The following EFCAB11 variants were observed in gnomAD, a reference collection of about 807,000 sequenced individuals.
EFCAB11 encodes the protein EF-hand calcium binding domain 11, also known as EF-hand calcium-binding domain-containing protein 11.
In EFCAB11, 14 loss-of-function variants were observed where a neutral mutation model predicts 23.0. That is an observed-to-expected ratio of 0.61 (90% CI 0.40 to 0.95). The LOEUF is 0.95. EFCAB11 is among the 40% of genes least tolerant of loss of function. The probability of loss-of-function intolerance (pLI) is 0.00; values close to 1 mark genes in which losing one functional copy is unlikely to be tolerated. For missense variants in EFCAB11, 198 were observed against 195.8 expected, an observed-to-expected ratio of 1.01 and a Z score of -0.07; for synonymous variants, 65 against 66.6, an observed-to-expected ratio of 0.98 and a Z score of 0.11.
rs1452146152 is a variant in EFCAB11, at chr14:89,805,573, G to A, written c.411-8249C>T. On this transcript the variant is annotated intron_variant, in intron 5 of 5. Coordinates refer to ENST00000316738, the MANE Select transcript of EFCAB11 (RefSeq NM_145231.4). ...CTATGCTCCAATGGTACATTGATTC[G>A]ATAATTTGTGCACAGGCTTTTAAGT... Among the ~76,000 whole-genome samples, 3 of 152,274 alleles carry A rather than the reference G, an allele frequency of 2.0e-5. No homozygotes were observed. In the South Asian group the frequency reaches 6.2e-4, roughly 32 times the overall value.
intron 5 of EFCAB11, among the ~76,000 whole-genome samples, chr14:89,921,072 A>AAAAAAAAAAAAAG (rs796207560): frequency 6.8e-6 from 1 of 147,520 alleles, no homozygotes; most frequent in African/African-American, 2.7e-5. Context: ...CTAAAAAAAA[A>AAAAAAAAAAAAAG]AAAAGAAAAG....
At chr14:89,844,889 C>T (rs1464224996) in intron 5 of EFCAB11, among the ~76,000 whole-genome samples, 1 of 151,836 alleles carries the variant, frequency 6.6e-6, no homozygotes, top group Admixed American at 6.6e-5. Flanking sequence ...TTCTGGAACA[C>T]TATGAGGTAG....
intron 3 of EFCAB11, among the ~76,000 whole-genome samples, chr14:89,935,065 C>T (rs1890531974): frequency 6.6e-6 from 1 of 152,144 alleles, no homozygotes; most frequent in African/African-American, 2.4e-5. Flanking sequence ...TTTGTATCTC[C>T]TTCCAGATGC....
chr14:89,905,316 G>A (rs942102489), intron 5 of EFCAB11, among the ~76,000 whole-genome samples: 8 of 152,134 alleles, frequency 5.3e-5, no homozygotes, highest in African/African-American at 1.9e-4. Context: ...TACTTTCTAG[G>A]TATAGAACAA....
chr14:89,906,172 AAAATAAATAAATAAAT>A lies in EFCAB11; in HGVS notation c.410+25353_410+25368del, dbSNP rs59351985. On this transcript the variant is annotated intron_variant, in intron 5 of 5. Transcript: ENST00000316738. Reference sequence around the variant, plus strand: ...AATGCCTGGCACTCATTAGAGCACTAAAATAAATAAATAAATAAATAAATAAATAAATAAATAAATA... The same window carrying A: ...AATGCCTGGCACTCATTAGAGCACTAAAATAAATAAATAAATAAATAAATA... Among the ~76,000 whole-genome samples, 494 of 145,134 alleles carry A rather than the reference AAAATAAATAAATAAAT, an allele frequency of 3.4e-3. 5 individuals are homozygous for A. The highest frequency in any genetic ancestry group is 0.01 in the African/African-American group (407 of 38,864).
intron 3 of EFCAB11, among the ~76,000 whole-genome samples, chr14:89,943,669 G>C (rs1044695026): frequency 6.6e-5 from 10 of 152,186 alleles, no homozygotes; most frequent in African/African-American, 2.2e-4. Context: ...ATCAATAAGA[G>C]GGAAAGAAGA....
At chr14:89,918,623 G>A (rs1358663489) in intron 5 of EFCAB11, among the ~76,000 whole-genome samples, 2 of 151,894 alleles carry the variant, frequency 1.3e-5, no homozygotes, top group Non-Finnish European at 2.9e-5. Context: ...CCCAGGAAGA[G>A]GCCATGATCC....
intron 5 of EFCAB11, among the ~76,000 whole-genome samples, chr14:89,897,827 A>G (rs1173492671): frequency 6.6e-6 from 1 of 152,232 alleles, no homozygotes; most frequent in East Asian, 1.9e-4. Flanking sequence ...ATAATTTACC[A>G]TAACATTTAA....
chr14:89,804,623 G>C (rs577673528), intron 5 of EFCAB11, among the ~76,000 whole-genome samples: 1 of 152,286 alleles, frequency 6.6e-6, no homozygotes, highest in Non-Finnish European at 1.5e-5. Context: ...AGTTTATTTT[G>C]AGAGATGAAA....
At chr14:89,906,216 T>A (rs957021090) in intron 5 of EFCAB11, among the ~76,000 whole-genome samples, 1 of 148,870 alleles carries the variant, frequency 6.7e-6, no homozygotes. Context: ...AATAAATAAA[T>A]AAATTAAAGG....
chr14:89,857,198 T>C (rs1030603013), intron 5 of EFCAB11, among the ~76,000 whole-genome samples: 6 of 152,260 alleles, frequency 3.9e-5, no homozygotes, highest in Non-Finnish European at 8.8e-5. Flanking sequence ...TATAGGCTTG[T>C]TAAACTCAAC....
intron 5 of EFCAB11, among the ~76,000 whole-genome samples, chr14:89,921,602 C>T (rs758938099): frequency 4.6e-5 from 7 of 152,148 alleles, no homozygotes; most frequent in Non-Finnish European, 7.4e-5. Flanking sequence ...CTTTGGAGAA[C>T]TCTTTGAATG....
intron 5 of EFCAB11, among the ~76,000 whole-genome samples, chr14:89,873,335 CATG>C (rs1316678803): frequency 6.6e-6 from 1 of 152,136 alleles, no homozygotes; most frequent in Non-Finnish European, 1.5e-5. Flanking sequence ...AGCTCACTCC[CATG>C]ATATGAGGGG....
At chr14:89,895,275 G>A (rs1889119298) in intron 5 of EFCAB11, among the ~76,000 whole-genome samples, 1 of 152,202 alleles carries the variant, frequency 6.6e-6, no homozygotes, top group African/African-American at 2.4e-5. Flanking sequence ...ATATTATTAA[G>A]ATGTCAACTT....
Position 89,953,776 on chromosome 14 carries a change from C to A in EFCAB11, c.171+130G>T. 3.0e-6 allele frequency: 2 copies of A among 675,580 alleles called. 1 individual carries two copies. The highest frequency in any genetic ancestry group is 3.9e-5 in the South Asian group (2 of 51,164). 41.8% of individuals were successfully genotyped at this position (675,580 alleles called of 1,614,324 possible). On this transcript the variant is annotated intron_variant, in intron 2 of 5. Transcript: ENST00000316738. ...GTGTTAAGAGGAAGCTAAAATTCAG[C>A]ACTGGACACATCTCTGAAATTGCTT...
intron 5 of EFCAB11, among the ~76,000 whole-genome samples, chr14:89,820,774 T>A (rs147319825): frequency 1.3e-5 from 2 of 152,132 alleles, no homozygotes; most frequent in East Asian, 3.8e-4. Flanking sequence ...AATAGATGTA[T>A]GATGGTTAAT....
intron 3 of EFCAB11, among the ~76,000 whole-genome samples, chr14:89,933,376 G>C (rs1890464678): frequency 6.6e-6 from 1 of 152,106 alleles, no homozygotes; most frequent in Non-Finnish European, 1.5e-5. Context: ...TATAAAAAGA[G>C]TGGTTCATTT....
chr14:89,888,712 C>T (rs1379495198), intron 5 of EFCAB11, among the ~76,000 whole-genome samples: 1 of 152,174 alleles, frequency 6.6e-6, no homozygotes, highest in Non-Finnish European at 1.5e-5. Context: ...TTAGAAGGTA[C>T]CATCTGTGAA....
chr14:89,942,772 G>A (rs1004522804), intron 3 of EFCAB11, among the ~76,000 whole-genome samples: 1 of 152,028 alleles, frequency 6.6e-6, no homozygotes, highest in African/African-American at 2.4e-5. Flanking sequence ...ACTCACCCTG[G>A]CTGCCCTCAA....
Sources: gnomAD v4.1 joint callset for allele counts (sites outside exome capture counted in the v4.1 genomes callset) on GRCh38, gnomAD v4.1.1 for gene constraint, MANE v1.5 for transcripts, NCBI Gene and HGNC (gene_info 2026-07-23, HGNC 2026-07-21) for gene names.